The following SLC26A3 variants were observed in gnomAD, a reference collection of about 807,000 sequenced individuals.
SLC26A3 encodes the protein chloride anion exchanger.
In SLC26A3, 64 loss-of-function variants were observed where a neutral mutation model predicts 85.6. The ratio of observed to expected loss-of-function variants is 0.75; its 90% CI spans 0.61 to 0.92. The LOEUF (loss-of-function observed/expected upper bound fraction) is 0.92. Among genes scored for constraint, SLC26A3 ranks in the 40% least tolerant of loss-of-function variants. SLC26A3 has a pLI of 0.00. For missense variants in SLC26A3, 922 were observed against 927.3 expected (o/e 0.99, Z 0.07); for synonymous variants, 349 against 336.0 (o/e 1.04, Z -0.42).
intron 15 of SLC26A3, 65 bp downstream of exon 15, chr7:107,776,387 A>G: frequency 7.7e-7 from 1 of 1,295,982 alleles, no homozygotes. Context: ...GACCTTACAG[A>G]ACAATGACAT....
intron 18 of SLC26A3, among the ~76,000 whole-genome samples, chr7:107,768,278 T>C (rs1251075631): frequency 1.3e-5 from 2 of 152,220 alleles, no homozygotes; most frequent in Non-Finnish European, 2.9e-5. Context: ...TCTGCCAAAA[T>C]GGAACATATG....
At chr7:107,771,961 A>C in intron 18 of SLC26A3, 93 bp downstream of exon 18, 1 of 845,966 alleles carries the variant, frequency 1.2e-6, no homozygotes, top group Non-Finnish European at 2.1e-6. Context: ...GATTATATAA[A>C]ATACTCATTC....
chr7:107,772,508 ACAATGAATGGATGTATCTAGCAC>A (rs1562875123), intron 17 of SLC26A3, among the ~76,000 whole-genome samples: 2 of 152,220 alleles, frequency 1.3e-5, no homozygotes, highest in African/African-American at 4.8e-5. Flanking sequence ...ATTTTTGTCC[ACAATGAATGGATGTATCTAGCAC>A]CAATGAATGT....
chr7:107,770,196 G>A (rs933096268), intron 18 of SLC26A3, among the ~76,000 whole-genome samples: 2 of 896 alleles, frequency 2.2e-3, no homozygotes, highest in Admixed American at 0.01. Flanking sequence ...AAAAAAAGGG[G>A]TTTTTTTTTT....
At chr7:107,777,399 C>A (rs1794134919) in intron 13 of SLC26A3, among the ~76,000 whole-genome samples, 1 of 152,098 alleles carries the variant, frequency 6.6e-6, no homozygotes, top group Admixed American at 6.6e-5. Context: ...ATTCACGAAC[C>A]AGCCTGGCCA....
At chr7:107,768,026 A>C (rs1793945203) in intron 18 of SLC26A3, 118 bp from the exon 19 acceptor site, 1 of 907,632 alleles carries the variant, frequency 1.1e-6, no homozygotes, top group Non-Finnish European at 1.8e-6. Flanking sequence ...ACATTTGGTT[A>C]AGTGTGTGTG....
At chr7:107,772,396 A>T (rs1403183532) in intron 17 of SLC26A3, among the ~76,000 whole-genome samples, 1 of 152,216 alleles carries the variant, frequency 6.6e-6, no homozygotes, top group African/African-American at 2.4e-5. Context: ...AACAACTCTG[A>T]TTTAATTTTA....
intron 18 of SLC26A3, among the ~76,000 whole-genome samples, chr7:107,768,820 A>G (rs937852815): frequency 1.3e-5 from 2 of 152,142 alleles, no homozygotes; most frequent in African/African-American, 4.8e-5. Context: ...AAAGTGGAGG[A>G]AGAGAAGGTA....
intron 8 of SLC26A3, among the ~76,000 whole-genome samples, chr7:107,785,692 A>T (rs1474056626): frequency 6.6e-6 from 1 of 152,232 alleles, no homozygotes; most frequent in Non-Finnish European, 1.5e-5. Context: ...TTAAAAATTA[A>T]AAGTGATGCT....
intron 5 of SLC26A3, among the ~76,000 whole-genome samples, chr7:107,790,621 C>T (rs974294147): frequency 1.3e-5 from 2 of 152,062 alleles, no homozygotes; most frequent in Non-Finnish European, 2.9e-5. Context: ...AGTTCAAAGC[C>T]CCCATCCCTT....
Position 107,771,253 on chromosome 7 carries a change from A to G in SLC26A3, c.2062+801T>C, listed in dbSNP as rs559815983. ...AGAAGTATTTTTGGGAGGGGGAATC[A>G]TATACGTAGTTCTAAAAGCGTGTAT... On this transcript the variant is annotated intron_variant, in intron 18 of 20. Coordinates refer to ENST00000340010, the MANE Select transcript of SLC26A3 (RefSeq NM_000111.3). Among the ~76,000 whole-genome samples the G allele has an allele frequency of 3.9e-5, 6 of 152,276 alleles. No individual in the cohort carries two copies. The East Asian group carries it at 1.2e-3, about 29-fold the overall frequency.
In SLC26A3 at chr7:107,773,956, G is replaced by C. The variant is rs1221319520; in HGVS notation, c.1971C>G (p.Ser657=). ...CCCTCACTGAAGAAACATCAAGAAAGGACACTGCTGAAAAGTCAAGAATGA... is the reference window on the plus strand; with the variant it reads ...CCCTCACTGAAGAAACATCAAGAAACGACACTGCTGAAAAGTCAAGAATGA... The part of the protein sequence containing the change: ...HSLILDFSAV[S]FLDVSSVRGL... The change falls in exon 17 of 21, where the codon TCC becomes TCG. Residue 657 remains serine (S), a synonymous_variant. Transcript: ENST00000340010. The C allele has an allele frequency of 6.2e-7, 1 of 1,613,908 alleles. No homozygotes were observed. The highest frequency in any genetic ancestry group is 1.7e-5 in the Admixed American group (1 of 59,988).
chr7:107,776,252 G>A, intron 15 of SLC26A3, 200 bp downstream of exon 15: 1 of 610,920 alleles, frequency 1.6e-6, no homozygotes, highest in Non-Finnish European at 2.9e-6. Flanking sequence ...GTCATCTGAA[G>A]AGGCTTATTT....
Position 107,782,980 on chromosome 7 carries a change from C to T in SLC26A3, c.1233G>A (p.Gln411=), listed in dbSNP as rs761636312. 4.3e-6 allele frequency: 7 copies of T among 1,613,924 alleles called. No homozygotes were observed. The South Asian group carries it at 5.5e-5, about 13-fold the overall frequency. Reference sequence around the variant, plus strand: ...GCTTGCAGCAAAGATCTTGACATACCTGTGTTTTGCCTCCTGTGCTCTCCT... The same window carrying T: ...GCTTGCAGCAAAGATCTTGACATACTTGTGTTTTGCCTCCTGTGCTCTCCT... The part of the protein sequence containing the change: ...AVQESTGGKT[Q]IAGLIGAIIV... The change falls in exon 10 of 21, where the codon CAG becomes CAA. Residue 411 remains glutamine (Q), a splice_region_variant and synonymous_variant. Transcript: ENST00000340010.
chr7:107,794,891 C>T (rs1310652939), intron 1 of SLC26A3, among the ~76,000 whole-genome samples: 3 of 152,154 alleles, frequency 2.0e-5, no homozygotes, highest in African/African-American at 7.2e-5. Context: ...TTCTCATCAA[C>T]TTTTTTTCCC....
chr7:107,794,104 C>T (rs903601335), intron 2 of SLC26A3, among the ~76,000 whole-genome samples: 1 of 152,164 alleles, frequency 6.6e-6, no homozygotes, highest in East Asian at 1.9e-4. Context: ...TTGTCATCCT[C>T]AGCTCAAATC....
At chr7:107,787,801 A>G (rs1041546027) in intron 6 of SLC26A3, among the ~76,000 whole-genome samples, 1 of 151,916 alleles carries the variant, frequency 6.6e-6, no homozygotes, top group African/African-American at 2.4e-5. Flanking sequence ...GATACTTTTC[A>G]CATTTTTACC....
chr7:107,786,594 G>A (rs1258035299), intron 8 of SLC26A3, among the ~76,000 whole-genome samples: 2 of 148,010 alleles, frequency 1.4e-5, no homozygotes, highest in Non-Finnish European at 3.0e-5. Flanking sequence ...ATTAAGAACT[G>A]CATTCACTGT....
At chr7:107,798,670 T>A (rs147498550) in intron 1 of SLC26A3, among the ~76,000 whole-genome samples, 1,723 of 152,230 alleles carry the variant, frequency 0.011, 33 homozygotes, top group African/African-American at 0.04. Flanking sequence ...ATTAGATGCC[T>A]CCACTCTTGG....
Sources: gnomAD v4.1 joint callset for allele counts (sites outside exome capture counted in the v4.1 genomes callset) on GRCh38, gnomAD v4.1.1 for gene constraint, MANE v1.5 for transcripts, NCBI Gene and HGNC (gene_info 2026-07-23, HGNC 2026-07-21) for gene names.